KAZN: variants seen among roughly 807,000 people sequenced by gnomAD.
KAZN encodes kazrin, periplakin interacting protein.
KAZN carries 40 observed loss-of-function variants against 87.4 expected under a neutral mutation model. That is an observed-to-expected ratio of 0.46 (90% CI 0.36 to 0.60). KAZN has a LOEUF of 0.60. Among genes scored for constraint, KAZN ranks in the 20% least tolerant of loss-of-function variants. The pLI is 0.00. For synonymous variants in KAZN, 466 were observed against 458.3 expected, an observed-to-expected ratio of 1.02 and a Z score of -0.22; for missense variants, 898 against 1,073.9, an observed-to-expected ratio of 0.84 and a Z score of 2.29.
At chr1:14,920,296 T>G (rs1361763261) in intron 1 of KAZN, among the ~76,000 whole-genome samples, 5 of 147,504 alleles carry the variant, frequency 3.4e-5, no homozygotes, top group African/African-American at 1.0e-4. Flanking sequence ...TTTTTTTTTT[T>G]GGGTGGCGCC....
intron 1 of KAZN, among the ~76,000 whole-genome samples, chr1:14,775,726 A>G (rs1403576292): frequency 6.6e-6 from 1 of 152,246 alleles, no homozygotes; most frequent in African/African-American, 2.4e-5. Context: ...CATAGCATCT[A>G]TCTTGAAGCA....
intron 1 of KAZN, among the ~76,000 whole-genome samples, chr1:14,177,034 T>A (rs1439561080): frequency 6.6e-6 from 1 of 152,094 alleles, no homozygotes; most frequent in African/African-American, 2.4e-5. Context: ...GGTGCGTGCC[T>A]GTAGTCCCAG....
At chr1:14,372,791 A>G (rs1660600971) in intron 2 of KAZN, among the ~76,000 whole-genome samples, 1 of 152,216 alleles carries the variant, frequency 6.6e-6, no homozygotes, top group Admixed American at 6.5e-5. Flanking sequence ...CAATACATGT[A>G]TTCAGTGCCT....
At chr1:14,891,250 C>T (rs1443112123) in intron 1 of KAZN, among the ~76,000 whole-genome samples, 1 of 152,056 alleles carries the variant, frequency 6.6e-6, no homozygotes, top group Non-Finnish European at 1.5e-5. Flanking sequence ...GATTTTGGTG[C>T]ACCCATCACC....
At chr1:14,348,566 C>A (rs573423356) in intron 2 of KAZN, among the ~76,000 whole-genome samples, 1 of 152,308 alleles carries the variant, frequency 6.6e-6, no homozygotes, top group East Asian at 1.9e-4. Flanking sequence ...CTCCCTGAAT[C>A]TGAGATATGA....
At chr1:14,598,351 C>G (rs1350608036), upstream of KAZN, among the ~76,000 whole-genome samples, 2 of 152,222 alleles carry the variant, frequency 1.3e-5, no homozygotes, top group Non-Finnish European at 2.9e-5. This position sits in a 1 kb window ranked among gnomAD's most constrained non-coding sequence, Gnocchi z 4.2. Context: ...CTCTGAGGCC[C>G]CCTTTCCAAG....
intron 1 of KAZN, among the ~76,000 whole-genome samples, chr1:14,613,826 C>T (rs565629416): frequency 4.3e-4 from 65 of 152,166 alleles, no homozygotes; most frequent in Non-Finnish European, 5.4e-4. Flanking sequence ...AGGTGCTTGA[C>T]AAGTGCCTTG....
intron 2 of KAZN, among the ~76,000 whole-genome samples, chr1:14,552,094 T>C (rs1673565303): frequency 6.6e-6 from 1 of 152,208 alleles, no homozygotes. Context: ...ATTCTTCCTT[T>C]GGTGCCCCTA....
intron 1 of KAZN, among the ~76,000 whole-genome samples, chr1:14,928,489 T>C (rs769411560): frequency 6.6e-6 from 1 of 152,108 alleles, no homozygotes; most frequent in African/African-American, 2.4e-5. Context: ...CCACATTGTT[T>C]CTGGTCTCTT....
intron 2 of KAZN, among the ~76,000 whole-genome samples, chr1:14,182,836 C>T (rs1045980432): frequency 3.9e-5 from 6 of 152,028 alleles, no homozygotes; most frequent in Admixed American, 6.6e-5. Flanking sequence ...AGTGGGAGGC[C>T]GATAGAATGT....
chr1:14,077,592 G>GTGA (rs1258038100), intron 1 of KAZN, among the ~76,000 whole-genome samples: 1 of 152,216 alleles, frequency 6.6e-6, no homozygotes, highest in Non-Finnish European at 1.5e-5. Context: ...AGGCTCTGCG[G>GTGA]TGATACTGGA....
At chr1:14,186,706 C>T (rs1210073769) in intron 2 of KAZN, among the ~76,000 whole-genome samples, 2 of 152,096 alleles carry the variant, frequency 1.3e-5, no homozygotes, top group Admixed American at 1.3e-4. Context: ...GGTATTATTA[C>T]CACAAGGAAG....
intron 1 of KAZN, among the ~76,000 whole-genome samples, chr1:14,148,420 A>G (rs1054271319): frequency 3.9e-5 from 6 of 152,092 alleles, no homozygotes; most frequent in African/African-American, 1.4e-4. Flanking sequence ...AACTAGCCTC[A>G]ATATTACATT....
At chr1:14,251,908 CAA>C (rs1277213347) in intron 2 of KAZN, among the ~76,000 whole-genome samples, 1 of 152,010 alleles carries the variant, frequency 6.6e-6, no homozygotes, top group Non-Finnish European at 1.5e-5. Context: ...CTCGATCTCC[CAA>C]AGTGCTGGGA....
rs188491813 is a variant in KAZN, at chr1:14,417,691, T to G, written c.250-181292T>G. ...ATCAGAAAAAGACTGTCATCTGAAA[T>G]TAAACCACAAGAAACCTACATCGGG... On this transcript the variant is annotated intron_variant, in intron 2 of 16. Coordinates refer to the KAZN transcript ENST00000636203. Among the ~76,000 whole-genome samples the G allele has an allele frequency of 1.6e-4, 25 of 152,046 alleles. 1 individual carries two copies. Among genetic ancestry groups the G allele is most frequent in the Admixed American group, 8.5e-4 (13 of 15,264 alleles).
intron 1 of KAZN, among the ~76,000 whole-genome samples, chr1:14,807,197 G>T (rs1422520852): frequency 6.6e-6 from 1 of 152,208 alleles, no homozygotes; most frequent in African/African-American, 2.4e-5. Context: ...CCAGCAGGAG[G>T]GCACAGCTTC....
chr1:14,590,359 G>A (rs543925098), intron 2 of KAZN, among the ~76,000 whole-genome samples: 1 of 152,298 alleles, frequency 6.6e-6, no homozygotes, highest in East Asian at 1.9e-4. Flanking sequence ...CTTTTGCAGA[G>A]AGTGAAGGGG....
Position 14,870,488 on chromosome 1 carries a change from T to C in KAZN, c.227-90196T>C, listed in dbSNP as rs539933882. On this transcript the variant is annotated intron_variant, in intron 1 of 14. Coordinates refer to ENST00000376030, the MANE Select transcript of KAZN (RefSeq NM_201628.3). ...CTCCAAGTAGCTGGGATTACAGGCA[T>C]GCACTACCACACTGGCTAATTTTTG... Among the ~76,000 whole-genome samples the C allele has an allele frequency of 5.0e-4, 76 of 152,270 alleles. 2 individuals carry two copies. Among genetic ancestry groups the C allele is most frequent in the Admixed American group, 4.6e-3 (71 of 15,290 alleles).
At chr1:14,081,590 A>C (rs368117597) in intron 1 of KAZN, among the ~76,000 whole-genome samples, 93 of 152,270 alleles carry the variant, frequency 6.1e-4, no homozygotes, top group African/African-American at 2.1e-3. Flanking sequence ...TCAAAATTTT[A>C]GTGCGCATGA....
Sources: allele counts gnomAD v4.1 joint callset (sites outside exome capture counted in the v4.1 genomes callset), GRCh38; gene constraint gnomAD v4.1.1; non-coding constraint Gnocchi (gnomAD v3.1); transcripts MANE v1.5; gene names NCBI Gene and HGNC (gene_info 2026-07-23, HGNC 2026-07-21).